GSE1: variants seen among roughly 807,000 people sequenced by gnomAD.
The protein encoded by GSE1 is Gse1 coiled-coil protein, also known as genetic suppressor element 1.
A neutral mutation model predicts 112.6 loss-of-function variants in GSE1; 32 were observed. The observed-to-expected ratio is 0.28, with a 90% confidence interval of 0.21 to 0.38. GSE1 has a LOEUF of 0.38. GSE1 is among the 10% of genes least tolerant of loss of function. The pLI is 1.00. For synonymous variants in GSE1, 1,115 were observed against 735.6 expected, an observed-to-expected ratio of 1.52 and a Z score of -8.35; for missense variants, 2,348 against 1,699.2, an observed-to-expected ratio of 1.38 and a Z score of -6.71.
At chr16:85,221,763 C>T (rs956002231) in intron 1 of GSE1, among the ~76,000 whole-genome samples, 1 of 152,162 alleles carries the variant, frequency 6.6e-6, no homozygotes, top group Non-Finnish European at 1.5e-5. Context: ...GGTGGGGGCT[C>T]GGCCCCCAGA....
At chr16:85,221,929 G>T (rs1347325097) in intron 1 of GSE1, among the ~76,000 whole-genome samples, 1 of 152,176 alleles carries the variant, frequency 6.6e-6, no homozygotes, top group East Asian at 1.9e-4. Context: ...TGACTCAGCT[G>T]CCCCTCCCGG....
chr16:85,429,983 C>A (rs370702497), intron 2 of GSE1, among the ~76,000 whole-genome samples: 3 of 152,220 alleles, frequency 2.0e-5, no homozygotes, highest in African/African-American at 7.2e-5. Context: ...TCTGCGGGGG[C>A]TCGGTAAAAA....
At chr16:85,457,952 C>G (rs928024453) in intron 2 of GSE1, among the ~76,000 whole-genome samples, 2 of 152,200 alleles carry the variant, frequency 1.3e-5, no homozygotes, top group African/African-American at 4.8e-5. Context: ...ATTTTCATAC[C>G]TTCTCTGAGA....
At chr16:85,316,729 C>T (rs994973223) in intron 1 of GSE1, among the ~76,000 whole-genome samples, 8 of 152,232 alleles carry the variant, frequency 5.3e-5, no homozygotes, top group Non-Finnish European at 8.8e-5. Flanking sequence ...CCATGGGGCT[C>T]CGCAGGGGTT....
chr16:85,663,239 C>A, intron 10 of GSE1, 105 bp from the exon 11 acceptor site: 1 of 1,380,690 alleles, frequency 7.2e-7, no homozygotes, highest in Non-Finnish European at 1.0e-6. Flanking sequence ...CCAGGCGCAG[C>A]CAGCTACGGC....
At chr16:85,392,595 T>C (rs1015932652) in intron 2 of GSE1, among the ~76,000 whole-genome samples, 53 of 152,220 alleles carry the variant, frequency 3.5e-4, no homozygotes, top group African/African-American at 1.3e-3. Flanking sequence ...AAAGCTGTTA[T>C]ATTGAAAAAG....
intron 1 of GSE1, among the ~76,000 whole-genome samples, chr16:85,184,321 C>T (rs559152834): frequency 1.6e-4 from 24 of 152,328 alleles, no homozygotes; most frequent in African/African-American, 5.5e-4. Flanking sequence ...TGTCTCTACT[C>T]CCCCTTCCCC....
At chr16:85,556,441 G>C in intron 1 of GSE1, 1 of 610,058 alleles carries the variant, frequency 1.6e-6, no homozygotes, top group Non-Finnish European at 2.0e-6. Flanking sequence ...ACCCCCCTCC[G>C]CCAGACCCCC....
Position 85,633,917 on chromosome 16 carries a change from T to C in GSE1, c.11T>C (p.Met4Thr), listed in dbSNP as rs2049764928. 6 of 1,608,888 alleles carry C rather than the reference T, an allele frequency of 3.7e-6. No individual in the cohort carries two copies. The highest frequency in any genetic ancestry group is 5.1e-6 in the Non-Finnish European group (6 of 1,177,816). ...GGTTCTTCTTTTCCTGTTTCAGGCA[T>C]GAGCCATGAGCCCAAGTCCCCTTCG... MKG[M>T]SHEPKSPSLG... Residue 4 changes from methionine (M) to threonine (T), a missense_variant, in exon 2 of 16, where the codon ATG becomes ACG. Physicochemically the swap from Met to Thr is moderately conservative, Grantham distance 81. Transcript: ENST00000253458.
intron 2 of GSE1, among the ~76,000 whole-genome samples, chr16:85,465,763 C>T (rs187294891): frequency 2.6e-5 from 4 of 152,364 alleles, no homozygotes; most frequent in East Asian, 1.9e-4. Flanking sequence ...ATCAGACAGA[C>T]GTTCCTCAAG....
At chr16:85,186,429 C>T (rs551045163) in intron 1 of GSE1, among the ~76,000 whole-genome samples, 2 of 150,612 alleles carry the variant, frequency 1.3e-5, no homozygotes, top group Non-Finnish European at 3.0e-5. Context: ...ATGGTGAAAC[C>T]CCATCTCTAC....
chr16:85,234,934 G>C (rs1597864272), intron 1 of GSE1, among the ~76,000 whole-genome samples: 1 of 152,138 alleles, frequency 6.6e-6, no homozygotes, highest in Non-Finnish European at 1.5e-5. Context: ...GGAGGGGCGG[G>C]GGTTGCCCTG....
At chr16:85,415,696 T>C (rs924868571) in intron 2 of GSE1, among the ~76,000 whole-genome samples, 9 of 152,324 alleles carry the variant, frequency 5.9e-5, no homozygotes, top group Middle Eastern at 3.4e-3. Context: ...GCTGCGAGGG[T>C]GGGAGGCGCA....
intron 1 of GSE1, among the ~76,000 whole-genome samples, chr16:85,582,432 T>C (rs1385330907): frequency 6.6e-6 from 1 of 152,102 alleles, no homozygotes; most frequent in African/African-American, 2.4e-5. Context: ...GGAAATGGTG[T>C]TCTTGGGGCC....
chr16:85,561,114 A>G (rs915653527), intron 1 of GSE1, among the ~76,000 whole-genome samples: 7 of 151,812 alleles, frequency 4.6e-5, no homozygotes, highest in Admixed American at 4.6e-4. Flanking sequence ...CCTGGGTGAC[A>G]GTGAGACCTT....
intron 2 of GSE1, among the ~76,000 whole-genome samples, chr16:85,541,422 C>G (rs1229267935): frequency 1.3e-5 from 2 of 152,382 alleles, no homozygotes; most frequent in Middle Eastern, 3.4e-3. Flanking sequence ...TGGCACAGGC[C>G]TCACTGTCCT....
chr16:85,640,186 C>T (rs767852622), intron 2 of GSE1, among the ~76,000 whole-genome samples: 1 of 152,120 alleles, frequency 6.6e-6, no homozygotes, highest in Non-Finnish European at 1.5e-5. Context: ...TGAGCCCGTT[C>T]CCACCCCGCC....
chr16:85,438,960 T>A (rs953529568), intron 2 of GSE1, among the ~76,000 whole-genome samples: 21 of 152,128 alleles, frequency 1.4e-4, no homozygotes, highest in African/African-American at 4.8e-4. Flanking sequence ...CCTGAGCAGG[T>A]GTGGGCCTGC....
At chr16:85,305,654 G>A (rs1319546948) in intron 1 of GSE1, among the ~76,000 whole-genome samples, 1 of 151,908 alleles carries the variant, frequency 6.6e-6, no homozygotes, top group East Asian at 2.0e-4. Flanking sequence ...GGCTAATTTT[G>A]TATTTTTAAC....
Sources: allele counts gnomAD v4.1 joint callset (sites outside exome capture counted in the v4.1 genomes callset), GRCh38; gene constraint gnomAD v4.1.1; transcripts MANE v1.5; gene names NCBI Gene and HGNC (gene_info 2026-07-23, HGNC 2026-07-21).